PTHLH: variants seen among roughly 807,000 people sequenced by gnomAD.
PTHLH encodes the protein parathyroid hormone like hormone.
PTHLH carries 5 observed loss-of-function variants against 18.6 expected under a neutral mutation model. The ratio of observed to expected loss-of-function variants is 0.27; its 90% CI spans 0.14 to 0.56. PTHLH has a LOEUF of 0.56. Among genes scored for constraint, PTHLH ranks in the 20% least tolerant of loss-of-function variants. PTHLH has a pLI of 0.92. For synonymous variants in PTHLH, 90 were observed against 94.0 expected, an observed-to-expected ratio of 0.96 and a Z score of 0.25; for missense variants, 207 against 223.9, an observed-to-expected ratio of 0.92 and a Z score of 0.48.
intron 5 of PTHLH, among the ~76,000 whole-genome samples, chr12:27,961,286 C>CGTATATATATATATAA (rs2062751570): frequency 4.3e-5 from 2 of 46,958 alleles, no homozygotes; most frequent in Non-Finnish European, 9.0e-5. Flanking sequence ...CATATATATA[C>CGTATATATATATATAA]GTATATATAT....
intron 5 of PTHLH, 36 bp downstream of exon 5, chr12:27,963,312 A>T: frequency 6.2e-7 from 1 of 1,614,060 alleles, no homozygotes; most frequent in Non-Finnish European, 8.5e-7. Flanking sequence ...AGCTGAGAGC[A>T]CCCCGCTGAG....
chr12:27,968,534 T>C (rs1421269339), intron 4 of PTHLH, among the ~76,000 whole-genome samples: 3 of 152,228 alleles, frequency 2.0e-5, no homozygotes, highest in Non-Finnish European at 4.4e-5. Flanking sequence ...ATTAGTGAAC[T>C]GCTAGGTCCA....
intron 2 of PTHLH, among the ~76,000 whole-genome samples, chr12:27,970,745 C>G (rs990931881): frequency 1.8e-4 from 28 of 152,080 alleles, no homozygotes; most frequent in Non-Finnish European, 1.0e-4. Flanking sequence ...GGAGCTGGGC[C>G]GGGGACCGCG....
chr12:27,970,998 C>G (rs1322864327), intron 2 of PTHLH, among the ~76,000 whole-genome samples: 13 of 152,150 alleles, frequency 8.5e-5, no homozygotes, highest in Non-Finnish European at 1.5e-4. Flanking sequence ...TGGGAGACAT[C>G]TGGAGCCGGT....
At chr12:27,970,352 C>A (rs1462486189) in intron 2 of PTHLH, 85 bp from the exon 3 acceptor site, 4 of 148,072 alleles carry the variant, frequency 2.7e-5, no homozygotes, top group African/African-American at 7.3e-5. Context: ...GGCTGGCGGG[C>A]GGGCGCGCGG....
Position 27,970,221 on chromosome 12 carries a change from C to T in PTHLH, c.-219G>A, listed in dbSNP as rs2062857030. On this transcript the variant is annotated 5_prime_UTR_variant, in exon 3 of 6. Transcript: ENST00000545234. ...CTGGCCGGGCGGCGCAGGTTGGAGGCGAGTTGAAAACCGAGCGGAGGAATG... is the reference window on the plus strand; with the variant it reads ...CTGGCCGGGCGGCGCAGGTTGGAGGTGAGTTGAAAACCGAGCGGAGGAATG... 6.1e-6 allele frequency: 3 copies of T among 492,120 alleles called. No homozygotes were observed. Among genetic ancestry groups the T allele is most frequent in the Admixed American group, 2.1e-5 (1 of 48,768 alleles). 30.5% of individuals were successfully genotyped at this position (492,120 alleles called of 1,614,324 possible).
rs757266083 is a variant in PTHLH, at chr12:27,961,936, G to A, written c.524+1412C>T. On this transcript the variant is annotated intron_variant, in intron 5 of 5. Transcript: ENST00000545234. ...CTCTTAAATAATGAGATCATTAGTTGCATATGATGTGTTCTTCTGTTGTTT... is the reference window on the plus strand; with the variant it reads ...CTCTTAAATAATGAGATCATTAGTTACATATGATGTGTTCTTCTGTTGTTT... 6.9e-6 allele frequency: 5 copies of A among 725,762 alleles called. No homozygotes were observed. In the South Asian group the frequency reaches 7.6e-5, roughly 11 times the overall value. 45.0% of individuals were successfully genotyped at this position (725,762 alleles called of 1,614,324 possible). A position where few individuals can be genotyped will look rare whatever the true frequency, so the allele number is the denominator to read the frequency against.
intron 4 of PTHLH, 91 bp from the exon 5 acceptor site, chr12:27,963,861 C>G: frequency 7.5e-7 from 1 of 1,341,454 alleles, no homozygotes; most frequent in Non-Finnish European, 1.0e-6. Context: ...CTTTAGTTTT[C>G]TAGTTGGTCC....
chr12:27,964,572 A>AATGAG (rs2062795396), intron 4 of PTHLH, among the ~76,000 whole-genome samples: 1 of 151,852 alleles, frequency 6.6e-6, no homozygotes, highest in Non-Finnish European at 1.5e-5. Flanking sequence ...TGTGTGCTTA[A>AATGAG]ATGAGCTCAT....
In PTHLH at chr12:27,969,512, G is replaced by C. The variant is rs1163801448; in HGVS notation, c.-18C>G. The C allele has an allele frequency of 1.9e-6, 3 of 1,557,842 alleles. No homozygotes were observed. Among genetic ancestry groups the C allele is most frequent in the Admixed American group, 1.9e-5 (1 of 52,706 alleles). Reference sequence around the variant, plus strand: ...CGCTGCATCGTCTCCGCTCGCGCTCGGGACCTGCAACAGAAGGGAATGGGA... The same window carrying C: ...CGCTGCATCGTCTCCGCTCGCGCTCCGGACCTGCAACAGAAGGGAATGGGA... On this transcript the variant is annotated 5_prime_UTR_variant, in exon 4 of 6. Coordinates refer to ENST00000545234, the MANE Select transcript of PTHLH (RefSeq NM_198965.2).
chr12:27,971,199 G>C (rs2062869252), intron 2 of PTHLH, among the ~76,000 whole-genome samples: 1 of 152,092 alleles, frequency 6.6e-6, no homozygotes, highest in Non-Finnish European at 1.5e-5. Context: ...CTGTATCCGA[G>C]TCGCTGCAGC....
intron 5 of PTHLH, chr12:27,961,939 TATG>T (rs765737020): frequency 1.4e-6 from 1 of 728,110 alleles, no homozygotes; most frequent in South Asian, 1.5e-5. Flanking sequence ...ATTAGTTGCA[TATG>T]ATGTGTTCTT....
chr12:27,962,561 T>G, intron 5 of PTHLH: 2 of 985,494 alleles, frequency 2.0e-6, no homozygotes, highest in Middle Eastern at 5.2e-4. Context: ...TACCTCAATC[T>G]GTGAGCTAAG....
chr12:27,963,593 G>T lies in PTHLH; in HGVS notation c.279C>A (p.Val93=), dbSNP rs2120632251. The T allele has an allele frequency of 1.2e-6, 2 of 1,614,156 alleles. No individual in the cohort carries two copies. The highest frequency in any genetic ancestry group is 8.5e-7 in the Non-Finnish European group (1 of 1,180,026). Residue 93 remains valine, a synonymous_variant, in exon 5 of 6, where the codon GTC becomes GTA. Coordinates refer to ENST00000545234, the MANE Select transcript of PTHLH (RefSeq NM_198965.2). ...TGCCCTCATCATCAGACCCAAATCGGACGGGGTGGTTCTTTGTGTTGGGAG... is the reference window on the plus strand; with the variant it reads ...TGCCCTCATCATCAGACCCAAATCGTACGGGGTGGTTCTTTGTGTTGGGAG... ...KPSPNTKNHP[V]RFGSDDEGRY...
chr12:27,964,868 C>T (rs769702939), intron 4 of PTHLH, among the ~76,000 whole-genome samples: 26 of 152,168 alleles, frequency 1.7e-4, no homozygotes, highest in African/African-American at 6.0e-4. Context: ...ACCATATTTA[C>T]GGACTGCATC....
intron 5 of PTHLH, among the ~76,000 whole-genome samples, chr12:27,961,303 A>ATATATATACGTG (rs1456344317): frequency 2.0e-4 from 4 of 19,882 alleles, no homozygotes; most frequent in African/African-American, 1.0e-3. Flanking sequence ...ATATATACGT[A>ATATATATACGTG]TATATATATA....
intron 5 of PTHLH, 121 bp from the exon 6 acceptor site, chr12:27,958,689 G>A (rs979571440): frequency 3.1e-5 from 29 of 944,110 alleles, no homozygotes; most frequent in Non-Finnish European, 3.9e-5. Context: ...AGAGATTCAG[G>A]GAACTTCTTG....
At chr12:27,968,079 G>A (rs2062832979) in intron 4 of PTHLH, among the ~76,000 whole-genome samples, 1 of 152,140 alleles carries the variant, frequency 6.6e-6, no homozygotes, top group South Asian at 2.1e-4. Flanking sequence ...TTGAATTTAA[G>A]ACAAGTTTCA....
intron 4 of PTHLH, 112 bp from the exon 5 acceptor site, chr12:27,963,882 A>G: frequency 5.4e-6 from 6 of 1,114,298 alleles, no homozygotes; most frequent in Non-Finnish European, 5.2e-6. Flanking sequence ...ACCGTAAGAC[A>G]CAAGCTGGAT....
Sources: gnomAD v4.1 joint callset for allele counts (sites outside exome capture counted in the v4.1 genomes callset) on GRCh38, gnomAD v4.1.1 for gene constraint, MANE v1.5 for transcripts, NCBI Gene and HGNC (gene_info 2026-07-23, HGNC 2026-07-21) for gene names.